Variants in GPHN observed in about 807,000 individuals in gnomAD.
GPHN encodes gephyrin.
Under a neutral mutation model 95.5 loss-of-function variants are expected in GPHN, and 17 were observed. That is an observed-to-expected ratio of 0.18 (90% CI 0.12 to 0.27). The LOEUF is 0.27. GPHN is among the 10% of genes least tolerant of loss of function. GPHN has a pLI of 1.00. For missense variants in GPHN, 660 were observed against 978.1 expected (o/e 0.67, Z 4.34); for synonymous variants, 320 against 322.5 (o/e 0.99, Z 0.08).
the GPHN span, among the ~76,000 whole-genome samples, chr14:67,681,734 T>C: frequency 6.6e-6 from 1 of 152,042 alleles, no homozygotes; most frequent in Non-Finnish European, 1.5e-5. Flanking sequence ...GTGAGCAGCC[T>C]GGGTCACAGA....
chr14:67,589,732 G>A, the GPHN span: 1 of 1,011,988 alleles, frequency 9.9e-7, no homozygotes, highest in Non-Finnish European at 1.2e-6. Context: ...TCTGATGTCA[G>A]TTTCCCATTG....
the GPHN span, chr14:67,392,878 T>C: frequency 6.4e-6 from 10 of 1,573,640 alleles, no homozygotes; most frequent in South Asian, 1.1e-4. Context: ...AGTCAGGCGA[T>C]GGGTGATGGA....
intron 4 of GPHN, among the ~76,000 whole-genome samples, chr14:66,847,256 T>G (rs891398148): frequency 4.6e-5 from 7 of 152,190 alleles, no homozygotes; most frequent in African/African-American, 1.7e-4. Flanking sequence ...GCTTGTTTTC[T>G]TAGCAATAAT....
chr14:66,522,781 A>G (rs983318741), intron 1 of GPHN, among the ~76,000 whole-genome samples: 20 of 145,052 alleles, frequency 1.4e-4, no homozygotes, highest in African/African-American at 5.0e-4. Context: ...TCTAATCACC[A>G]CCTCTTTTTT....
chr14:67,533,111 G>A, the GPHN span, among the ~76,000 whole-genome samples: 1 of 152,308 alleles, frequency 6.6e-6, no homozygotes, highest in East Asian at 1.9e-4. Flanking sequence ...GCTGAGCCCA[G>A]CGCTCTGCCT....
the GPHN span, chr14:67,204,951 G>A: frequency 8.7e-5 from 140 of 1,607,310 alleles, no homozygotes; most frequent in East Asian, 1.9e-3. Flanking sequence ...CAGAGGTCCC[G>A]GATGTAAGAA....
the GPHN span, chr14:67,678,297 C>T: frequency 1.4e-6 from 2 of 1,462,122 alleles, no homozygotes; most frequent in Non-Finnish European, 1.9e-6. Flanking sequence ...GCAGTCTTCT[C>T]TTGGGTCCAA....
intron 1 of GPHN, among the ~76,000 whole-genome samples, chr14:66,580,983 G>C (rs1307095532): frequency 6.6e-6 from 1 of 151,594 alleles, no homozygotes; most frequent in African/African-American, 2.4e-5. Flanking sequence ...TTTATTCCTG[G>C]GATGCATTTA....
the GPHN span, among the ~76,000 whole-genome samples, chr14:67,480,094 T>A: frequency 2.6e-5 from 4 of 152,246 alleles, no homozygotes; most frequent in South Asian, 8.3e-4. Flanking sequence ...AATGAACTCG[T>A]ACATATACAC....
At chr14:67,129,255 A>T (rs1595282029) in intron 17 of GPHN, among the ~76,000 whole-genome samples, 1 of 152,130 alleles carries the variant, frequency 6.6e-6, no homozygotes, top group Non-Finnish European at 1.5e-5. Flanking sequence ...AGTATTGACA[A>T]CTGTAATCAA....
chr14:66,562,429 A>G (rs2060294743), intron 1 of GPHN, among the ~76,000 whole-genome samples: 1 of 152,196 alleles, frequency 6.6e-6, no homozygotes, highest in South Asian at 2.1e-4. Context: ...ATTGTGCATT[A>G]TAAGTATATC....
chr14:66,767,146 G>A (rs570947383), intron 2 of GPHN, among the ~76,000 whole-genome samples: 16 of 151,910 alleles, frequency 1.1e-4, no homozygotes, highest in African/African-American at 3.6e-4. Context: ...TGCCTATTAC[G>A]CATTTCTACT....
chr14:67,676,906 A>C, the GPHN span: 1 of 152,270 alleles, frequency 6.6e-6, no homozygotes, highest in Admixed American at 6.5e-5. Flanking sequence ...AATATAAATT[A>C]AGTAAAACAT....
the GPHN span, among the ~76,000 whole-genome samples, chr14:67,499,732 C>A: frequency 6.6e-6 from 1 of 152,018 alleles, no homozygotes; most frequent in Non-Finnish European, 1.5e-5. Flanking sequence ...AAAGGCAGTG[C>A]CAGAAATACT....
chr14:67,568,776 G>A, the GPHN span, among the ~76,000 whole-genome samples: 1 of 152,052 alleles, frequency 6.6e-6, no homozygotes, highest in African/African-American at 2.4e-5. Context: ...TCTCTAAAAC[G>A]GGTAGGATTC....
intron 1 of GPHN, among the ~76,000 whole-genome samples, chr14:66,517,321 A>T (rs1270391011): frequency 1.3e-5 from 2 of 152,182 alleles, no homozygotes; most frequent in Non-Finnish European, 2.9e-5. Flanking sequence ...TCCACATTGT[A>T]GAAGTTACGT....
At chr14:66,713,040 T>C (rs2069810483) in intron 2 of GPHN, among the ~76,000 whole-genome samples, 1 of 152,190 alleles carries the variant, frequency 6.6e-6, no homozygotes, top group Non-Finnish European at 1.5e-5. Flanking sequence ...TTGTATATTT[T>C]GGATATATAT....
chr14:67,493,089 G>T, the GPHN span, among the ~76,000 whole-genome samples: 1 of 152,182 alleles, frequency 6.6e-6, no homozygotes, highest in Non-Finnish European at 1.5e-5. Flanking sequence ...AGCATTCCAG[G>T]CAGAGAGGAC....
At chr14:67,507,893 C>T in the GPHN span, among the ~76,000 whole-genome samples, 1 of 152,166 alleles carries the variant, frequency 6.6e-6, no homozygotes, top group Non-Finnish European at 1.5e-5. Context: ...AGTCCCAGCA[C>T]TTTGGGAGGC....
Sources: allele counts gnomAD v4.1 joint callset (sites outside exome capture counted in the v4.1 genomes callset), GRCh38; gene constraint gnomAD v4.1.1; transcripts MANE v1.5; gene names NCBI Gene and HGNC (gene_info 2026-07-23, HGNC 2026-07-21).